Variants in TP63 observed in about 807,000 individuals in gnomAD.
The protein encoded by TP63 is tumor protein 63.
Under a neutral mutation model 82.8 loss-of-function variants are expected in TP63, and 17 were observed. That is an observed-to-expected ratio of 0.21 (90% CI 0.14 to 0.31). The LOEUF is 0.31. Ranked by LOEUF, TP63 falls within the 10% of genes least tolerant of loss-of-function variation. TP63 has a pLI of 1.00. For missense variants in TP63, 648 were observed against 895.3 expected, an observed-to-expected ratio of 0.72 and a Z score of 3.52; for synonymous variants, 330 against 321.7, an observed-to-expected ratio of 1.03 and a Z score of -0.28.
intron 3 of TP63, among the ~76,000 whole-genome samples, chr3:189,768,982 C>T (rs764772145): frequency 5.9e-5 from 9 of 152,172 alleles, no homozygotes; most frequent in African/African-American, 1.9e-4. Context: ...TTGAAGCTCA[C>T]GTCTAAAACT....
At chr3:189,856,465 A>T (rs1270521973) in intron 4 of TP63, among the ~76,000 whole-genome samples, 2 of 151,994 alleles carry the variant, frequency 1.3e-5, no homozygotes, top group African/African-American at 2.4e-5. Flanking sequence ...AAAATGAATG[A>T]TATATGATTC....
intron 1 of TP63, among the ~76,000 whole-genome samples, chr3:189,728,783 C>G (rs958063016): frequency 6.6e-6 from 1 of 152,158 alleles, no homozygotes; most frequent in Non-Finnish European, 1.5e-5. Context: ...ACCATCAGAT[C>G]TCATGAGACT....
intron 1 of TP63, among the ~76,000 whole-genome samples, chr3:189,704,414 T>G (rs1000205325): frequency 3.3e-5 from 5 of 152,258 alleles, no homozygotes; most frequent in African/African-American, 1.2e-4. Flanking sequence ...GCCCACCATT[T>G]AAATAATATC....
intron 11 of TP63, among the ~76,000 whole-genome samples, chr3:189,887,964 C>G (rs1281974212): frequency 5.3e-5 from 8 of 150,040 alleles, no homozygotes; most frequent in Non-Finnish European, 5.9e-5. Context: ...TCAAGTGATT[C>G]TCCTGCCTCA....
chr3:189,640,562 T>C (rs1235544202), intron 1 of TP63, among the ~76,000 whole-genome samples: 1 of 152,186 alleles, frequency 6.6e-6, no homozygotes, highest in Non-Finnish European at 1.5e-5. Context: ...TTTTTCTTGC[T>C]GAACAAAAGG....
intron 4 of TP63, 35 bp downstream of exon 4, chr3:189,808,561 C>T (rs201988158): frequency 4.6e-5 from 74 of 1,611,002 alleles, no homozygotes; most frequent in Non-Finnish European, 4.9e-5. Flanking sequence ...CCTGACCCCC[C>T]AAGTCCAAGG....
chr3:189,871,165 G>A (rs937465822), intron 9 of TP63, among the ~76,000 whole-genome samples: 1 of 152,090 alleles, frequency 6.6e-6, no homozygotes. Context: ...ATCCTTCTTA[G>A]TGTCATGTCT....
intron 10 of TP63, among the ~76,000 whole-genome samples, chr3:189,876,429 T>C (rs538507778): frequency 6.6e-6 from 1 of 152,314 alleles, no homozygotes; most frequent in South Asian, 2.1e-4. Flanking sequence ...TATTGTGTTA[T>C]TTTTAAAAGC....
At chr3:189,692,022 A>G (rs1363301028) in intron 1 of TP63, among the ~76,000 whole-genome samples, 2 of 152,176 alleles carry the variant, frequency 1.3e-5, no homozygotes, top group Non-Finnish European at 2.9e-5. Flanking sequence ...CTTTTCTTTT[A>G]TTGCTACGGG....
chr3:189,675,489 C>T (rs1405310431), intron 1 of TP63, among the ~76,000 whole-genome samples: 1 of 151,924 alleles, frequency 6.6e-6, no homozygotes, highest in Non-Finnish European at 1.5e-5. Flanking sequence ...TTGATAAAGT[C>T]TAGATTGGCA....
chr3:189,666,528 A>G (rs575736517), intron 1 of TP63, among the ~76,000 whole-genome samples: 35 of 152,264 alleles, frequency 2.3e-4, no homozygotes, highest in Middle Eastern at 3.4e-3. Context: ...TTCAACCTAT[A>G]GTCTGAAATC....
In TP63 at chr3:189,846,190, C is replaced by G. The variant is rs142087373; in HGVS notation, c.580-18042C>G. Among the ~76,000 whole-genome samples, 42 of 152,148 alleles carry G rather than the reference C, an allele frequency of 2.8e-4. 2 individuals are homozygous for G. In the East Asian group the frequency reaches 7.5e-3, roughly 27 times the overall value. On this transcript the variant is annotated intron_variant, in intron 4 of 13. Coordinates refer to ENST00000264731, the MANE Select transcript of TP63 (RefSeq NM_003722.5). ...GCTGAATTTACTTGTTTTCCAAAAT[C>G]CCCTGGAGTTGTTTTATTTGAACAT...
At chr3:189,809,777 C>T (rs983812387) in intron 4 of TP63, among the ~76,000 whole-genome samples, 12 of 152,190 alleles carry the variant, frequency 7.9e-5, no homozygotes, top group Admixed American at 7.9e-4. Context: ...AACATCATTT[C>T]ACATCCATTT....
intron 1 of TP63, among the ~76,000 whole-genome samples, chr3:189,696,234 C>A (rs1717369222): frequency 6.6e-6 from 1 of 152,090 alleles, no homozygotes; most frequent in Non-Finnish European, 1.5e-5. Flanking sequence ...TTCCAGACAA[C>A]CACTAATCAC....
At chr3:189,713,752 A>G (rs1239315998) in intron 1 of TP63, among the ~76,000 whole-genome samples, 1 of 152,154 alleles carries the variant, frequency 6.6e-6, no homozygotes, top group Non-Finnish European at 1.5e-5. Flanking sequence ...ATCCCTCTTC[A>G]TAATTATAAT....
At chr3:189,858,222 G>C (rs1201510787) in intron 4 of TP63, among the ~76,000 whole-genome samples, 2 of 27,562 alleles carry the variant, frequency 7.3e-5, no homozygotes, top group Non-Finnish European at 1.6e-4. Context: ...TGGCTAACAC[G>C]GTGAAACCCC....
At chr3:189,738,903 A>C in intron 3 of TP63, 129 bp downstream of exon 3, 1 of 1,364,882 alleles carries the variant, frequency 7.3e-7, no homozygotes, top group South Asian at 1.3e-5. Context: ...AAGAGAGTCT[A>C]TGTTGTTAGC....
rs1269053348 is a variant in TP63, at chr3:189,869,317, C to T, written c.1130-7C>T. The T allele has an allele frequency of 6.2e-7, 1 of 1,613,788 alleles. No homozygotes were observed. The highest frequency in any genetic ancestry group is 8.5e-7 in the Non-Finnish European group (1 of 1,179,882). On this transcript the variant is annotated splice_polypyrimidine_tract_variant and splice_region_variant and intron_variant, in intron 8 of 13. Transcript: ENST00000264731. ...CCAGGATGAAACTTGCATTTTTCCTCCACCAGCGTTTCGTCAGAACACACA... is the reference window on the plus strand; with the variant it reads ...CCAGGATGAAACTTGCATTTTTCCTTCACCAGCGTTTCGTCAGAACACACA...
intron 2 of TP63, among the ~76,000 whole-genome samples, chr3:189,738,334 C>A (rs1720745042): frequency 6.6e-6 from 1 of 152,148 alleles, no homozygotes; most frequent in African/African-American, 2.4e-5. Flanking sequence ...ACACTGGAGA[C>A]CCTTAGGAAT....
Sources: gnomAD v4.1 joint callset for allele counts (sites outside exome capture counted in the v4.1 genomes callset) on GRCh38, gnomAD v4.1.1 for gene constraint, MANE v1.5 for transcripts, NCBI Gene and HGNC (gene_info 2026-07-23, HGNC 2026-07-21) for gene names.